Variants in SLC66A3 observed in about 807,000 individuals in gnomAD.
SLC66A3 encodes the protein PQ loop repeat containing 3.
SLC66A3 carries 23 observed loss-of-function variants against 25.5 expected under a neutral mutation model. The observed-to-expected ratio is 0.90, with a 90% CI of 0.65 to 1.28. SLC66A3 has a LOEUF of 1.28. Among genes scored for constraint, SLC66A3 ranks in the 50% most tolerant of loss-of-function variants. The pLI is 0.00. For missense variants in SLC66A3, 246 were observed against 262.1 expected (o/e 0.94, Z 0.42); for synonymous variants, 108 against 112.6 (o/e 0.96, Z 0.26).
chr2:11,165,331 C>A (rs1220366271), intron 4 of SLC66A3, among the ~76,000 whole-genome samples: 1 of 150,570 alleles, frequency 6.6e-6, no homozygotes, highest in Non-Finnish European at 1.5e-5. Flanking sequence ...GCGCTCCCCA[C>A]ATCTCAGACG....
intron 5 of SLC66A3, among the ~76,000 whole-genome samples, chr2:11,173,385 G>A (rs1238316798): frequency 6.6e-6 from 1 of 152,178 alleles, no homozygotes; most frequent in Non-Finnish European, 1.5e-5. Flanking sequence ...ATTAACCCTT[G>A]TCAGATGTGT....
At chr2:11,155,799 G>A (rs1353487388) in intron 1 of SLC66A3, 110 bp downstream of exon 1, 3 of 1,107,298 alleles carry the variant, frequency 2.7e-6, no homozygotes, top group Admixed American at 4.2e-5. Flanking sequence ...CCCGCGCGCC[G>A]GCGTCGCAGC....
intron 6 of SLC66A3, among the ~76,000 whole-genome samples, chr2:11,176,167 C>T (rs1245920329): frequency 6.6e-6 from 1 of 152,174 alleles, no homozygotes; most frequent in Non-Finnish European, 1.5e-5. Flanking sequence ...TATTTCTTAT[C>T]TATGACAGCT....
At chr2:11,170,436 A>G (rs1207686456) in intron 4 of SLC66A3, among the ~76,000 whole-genome samples, 1 of 152,028 alleles carries the variant, frequency 6.6e-6, no homozygotes, top group Non-Finnish European at 1.5e-5. Context: ...AGGATCTCTT[A>G]CCTCACTGTA....
At chr2:11,175,156 T>C (rs891554897) in intron 6 of SLC66A3, 147 bp downstream of exon 6, 8 of 591,184 alleles carry the variant, frequency 1.4e-5, no homozygotes, top group African/African-American at 1.9e-5. Context: ...CCTAGTCTTA[T>C]TGGTCACCAT....
chr2:11,159,501 C>T (rs1316500125), intron 1 of SLC66A3, among the ~76,000 whole-genome samples: 2 of 152,318 alleles, frequency 1.3e-5, no homozygotes, highest in East Asian at 1.9e-4. Context: ...ACTGTGACCT[C>T]CTCTGACTCC....
chr2:11,173,160 GC>G (rs1171548956), intron 5 of SLC66A3, among the ~76,000 whole-genome samples: 1 of 152,128 alleles, frequency 6.6e-6, no homozygotes, highest in East Asian at 1.9e-4. Flanking sequence ...ACCGCGCCCA[GC>G]CAATTTTTTG....
intron 3 of SLC66A3, chr2:11,160,946 A>G (rs980162143): frequency 1.5e-5 from 9 of 589,490 alleles, no homozygotes; most frequent in Admixed American, 9.1e-5. Flanking sequence ...GGTAGAGTCC[A>G]CCCCTGCTAA....
At chr2:11,171,195 G>C (rs951771465) in intron 4 of SLC66A3, among the ~76,000 whole-genome samples, 1 of 152,078 alleles carries the variant, frequency 6.6e-6, no homozygotes, top group Non-Finnish European at 1.5e-5. Context: ...GCACGTGCCT[G>C]TACTCCCAGC....
rs192111395 is a variant in SLC66A3, at chr2:11,165,876, C to T, written c.354+1615C>T. 7.2e-3 allele frequency among the ~76,000 whole-genome samples: 1,100 copies of T among 152,282 alleles called. 18 individuals carry two copies. The highest frequency in any genetic ancestry group is 0.025 in the African/African-American group (1,043 of 41,580). On this transcript the variant is annotated intron_variant, in intron 4 of 6. Coordinates refer to ENST00000295083, the MANE Select transcript of SLC66A3 (RefSeq NM_152391.5). ...CAAAAAAATACGAAAACCAGTCAGG[C>T]GTGGCGGCGCACGCCTGCAATCCCA...
intron 3 of SLC66A3, among the ~76,000 whole-genome samples, chr2:11,163,690 C>T (rs1022743723): frequency 3.9e-5 from 6 of 152,194 alleles, no homozygotes; most frequent in East Asian, 1.9e-4. Flanking sequence ...CCTCTATTCC[C>T]GTGGCGTCAC....
At chr2:11,174,830 G>T in intron 5 of SLC66A3, 138 bp from the exon 6 acceptor site, 1 of 510,082 alleles carries the variant, frequency 2.0e-6, no homozygotes. Flanking sequence ...GTTAATATAT[G>T]TTGTTAAAAA....
rs1186098636 is a variant in SLC66A3, at chr2:11,169,837, CT to C, written c.355-2068del. Among the ~76,000 whole-genome samples, 839 of 89,028 alleles carry C rather than the reference CT, an allele frequency of 9.4e-3. 6 individuals are homozygous for C. Among genetic ancestry groups the C allele is most frequent in the Non-Finnish European group, 0.013 (651 of 49,022 alleles). 58.4% of individuals were successfully genotyped at this position (89,028 alleles called of 152,430 possible). A position where few individuals can be genotyped will look rare whatever the true frequency, so the allele number is the denominator to read the frequency against. ...GATTAGAATCACCCTGGATTTCTCT[CT>C]TTTTTTTTTTTTTTTTTTTGAGACA... is the stretch of plus-strand genomic sequence containing the variant. On this transcript the variant is annotated intron_variant, in intron 4 of 6. Transcript: ENST00000295083.
At chr2:11,159,903 C>T (rs1425271419) in intron 1 of SLC66A3, among the ~76,000 whole-genome samples, 1 of 152,210 alleles carries the variant, frequency 6.6e-6, no homozygotes, top group African/African-American at 2.4e-5. Flanking sequence ...TGGTTCTTCA[C>T]GCTTTCCCCC....
intron 3 of SLC66A3, 71 bp downstream of exon 3, chr2:11,160,765 AG>A: frequency 3.1e-6 from 5 of 1,610,118 alleles, no homozygotes; most frequent in Non-Finnish European, 4.2e-6. Context: ...ATTGTGAAGC[AG>A]GCTCCTTTAC....
intron 5 of SLC66A3, among the ~76,000 whole-genome samples, chr2:11,174,489 T>TTTTTG (rs917051343): frequency 1.7e-4 from 26 of 152,168 alleles, no homozygotes; most frequent in Middle Eastern, 3.4e-3. Context: ...GCATGGCTGT[T>TTTTTG]TTTTGTTTTG....
chr2:11,170,422 T>C (rs1309197753), intron 4 of SLC66A3, among the ~76,000 whole-genome samples: 4 of 152,160 alleles, frequency 2.6e-5, no homozygotes, highest in Admixed American at 6.5e-5. Flanking sequence ...CAGGCTTATT[T>C]GTGAGGATCT....
intron 3 of SLC66A3, among the ~76,000 whole-genome samples, chr2:11,161,705 G>C (rs1173544249): frequency 2.6e-5 from 4 of 152,134 alleles, no homozygotes; most frequent in African/African-American, 9.7e-5. Context: ...ATTTTTTTTA[G>C]AGATTGGGTC....
At chr2:11,173,379 A>G (rs961494264) in intron 5 of SLC66A3, among the ~76,000 whole-genome samples, 1 of 151,950 alleles carries the variant, frequency 6.6e-6, no homozygotes, top group African/African-American at 2.4e-5. Context: ...CTGGTCATTA[A>G]CCCTTGTCAG....
Sources: allele counts gnomAD v4.1 joint callset (sites outside exome capture counted in the v4.1 genomes callset), GRCh38; gene constraint gnomAD v4.1.1; transcripts MANE v1.5; gene names NCBI Gene and HGNC (gene_info 2026-07-23, HGNC 2026-07-21).